Variants in ZMAT4 observed in about 807,000 individuals in gnomAD.
The protein encoded by ZMAT4 is zinc finger matrin-type protein 4.
Under a neutral mutation model 28.7 loss-of-function variants are expected in ZMAT4, and 17 were observed. That is an observed-to-expected ratio of 0.59 (90% CI 0.41 to 0.89). The LOEUF (loss-of-function observed/expected upper bound fraction) is 0.89, where lower values mean the gene tolerates loss of function less well. ZMAT4 is among the 40% of genes least tolerant of loss of function. ZMAT4 has a pLI of 0.00. For synonymous variants in ZMAT4, 117 were observed against 109.2 expected (o/e 1.07, Z -0.44); for missense variants, 240 against 283.8 (o/e 0.85, Z 1.11).
At chr8:40,801,347 A>ATATATATATATATAT (rs1174640469) in intron 2 of ZMAT4, among the ~76,000 whole-genome samples, 52 of 48,548 alleles carry the variant, frequency 1.1e-3, no homozygotes, top group African/African-American at 4.7e-3. Context: ...TCTTTAAAAA[A>ATATATATATATATAT]AAAAATATAT....
chr8:40,601,608 AAG>A (rs1563360591), intron 5 of ZMAT4, among the ~76,000 whole-genome samples: 1 of 7,892 alleles, frequency 1.3e-4, no homozygotes, highest in Non-Finnish European at 3.2e-4. Context: ...GAAAGAAAGA[AAG>A]AAAGAAAGAA....
intron 1 of ZMAT4, among the ~76,000 whole-genome samples, chr8:40,881,287 G>C (rs1818212155): frequency 6.6e-6 from 1 of 151,546 alleles, no homozygotes; most frequent in South Asian, 2.1e-4. Flanking sequence ...TACTGAGGAG[G>C]CTGAGGCAGG....
chr8:40,595,155 C>T (rs1286419400), intron 5 of ZMAT4, among the ~76,000 whole-genome samples: 1 of 152,134 alleles, frequency 6.6e-6, no homozygotes, highest in African/African-American at 2.4e-5. Context: ...CATCTGAAGC[C>T]TTGCTTTTCC....
chr8:40,710,918 C>T (rs533703721), intron 3 of ZMAT4, among the ~76,000 whole-genome samples: 132 of 152,098 alleles, frequency 8.7e-4, no homozygotes, highest in Non-Finnish European at 1.7e-3. Context: ...GTAGCTGGGA[C>T]TACAGGCACG....
chr8:40,722,462 ATCT>A (rs1456344294), intron 3 of ZMAT4, among the ~76,000 whole-genome samples: 21 of 152,160 alleles, frequency 1.4e-4, no homozygotes, highest in African/African-American at 4.6e-4. Flanking sequence ...GATCACACAC[ATCT>A]TAAAGCCACT....
rs1184785049 is a variant in ZMAT4, at chr8:40,845,788, A to C, written c.-4-20108T>G. Among the ~76,000 whole-genome samples, 4 of 129,186 alleles carry C rather than the reference A, an allele frequency of 3.1e-5. No individual in the cohort carries two copies. In the East Asian group the frequency reaches 8.2e-4, roughly 27 times the overall value. 84.8% of individuals were successfully genotyped at this position (129,186 alleles called of 152,430 possible). A position where few individuals can be genotyped will look rare whatever the true frequency, so the allele number is the denominator to read the frequency against. On this transcript the variant is annotated intron_variant, in intron 1 of 6. Coordinates refer to ENST00000297737, the MANE Select transcript of ZMAT4 (RefSeq NM_024645.3). ...TACACTTAGTAGTTAAAAAAAAAAA[A>C]AAAAAAAAAGAGAGAGAGACTAAGG...
chr8:40,664,672 C>T (rs1808331280), intron 5 of ZMAT4, among the ~76,000 whole-genome samples: 2 of 152,310 alleles, frequency 1.3e-5, no homozygotes, highest in Admixed American at 6.5e-5. Context: ...TGAGCCAAGC[C>T]ACTCCCAAAT....
At chr8:40,778,095 C>T (rs1321567184) in intron 2 of ZMAT4, among the ~76,000 whole-genome samples, 2 of 152,132 alleles carry the variant, frequency 1.3e-5, no homozygotes, top group African/African-American at 2.4e-5. Flanking sequence ...AAACAAAACT[C>T]GCTTTAAACA....
At chr8:40,891,043 G>T (rs188017636) in intron 1 of ZMAT4, among the ~76,000 whole-genome samples, 1 of 151,052 alleles carries the variant, frequency 6.6e-6, no homozygotes, top group African/African-American at 2.4e-5. Flanking sequence ...CATCAAAATC[G>T]AGGGCGGGGG....
At chr8:40,789,552 G>A (rs1814237217) in intron 2 of ZMAT4, among the ~76,000 whole-genome samples, 1 of 152,114 alleles carries the variant, frequency 6.6e-6, no homozygotes, top group African/African-American at 2.4e-5. Flanking sequence ...AAATAACTAG[G>A]AGAGTATAAT....
At chr8:40,757,831 G>A (rs1468257483) in intron 3 of ZMAT4, among the ~76,000 whole-genome samples, 3 of 152,198 alleles carry the variant, frequency 2.0e-5, no homozygotes, top group African/African-American at 7.2e-5. Flanking sequence ...TCAGTGGACT[G>A]GGAGAGGCAG....
chr8:40,828,562 A>T (rs1420964337), intron 1 of ZMAT4, among the ~76,000 whole-genome samples: 1 of 152,240 alleles, frequency 6.6e-6, no homozygotes, highest in East Asian at 1.9e-4. Context: ...TATACTAAAA[A>T]AAATTCAAGG....
intron 5 of ZMAT4, among the ~76,000 whole-genome samples, chr8:40,605,838 G>A (rs1380504039): frequency 6.6e-6 from 1 of 152,078 alleles, no homozygotes; most frequent in Non-Finnish European, 1.5e-5. Context: ...TGTAGATTTA[G>A]GAGCTCCAGT....
chr8:40,701,775 C>T (rs961639453), intron 3 of ZMAT4, among the ~76,000 whole-genome samples: 1 of 152,060 alleles, frequency 6.6e-6, no homozygotes, highest in Non-Finnish European at 1.5e-5. Context: ...ACCTTGGCCT[C>T]CCAAAGTGCT....
intron 6 of ZMAT4, among the ~76,000 whole-genome samples, chr8:40,546,457 T>C (rs774999206): frequency 1.1e-4 from 16 of 152,290 alleles, no homozygotes; most frequent in Middle Eastern, 3.4e-3. Flanking sequence ...TTTCAATTAA[T>C]AGACAAAAAG....
chr8:40,755,354 C>T (rs966820144), intron 3 of ZMAT4, among the ~76,000 whole-genome samples: 4 of 152,170 alleles, frequency 2.6e-5, no homozygotes, highest in African/African-American at 4.8e-5. Context: ...CTACTCAATT[C>T]TCCCCTTGTG....
chr8:40,729,871 A>G (rs1216284707), intron 3 of ZMAT4, among the ~76,000 whole-genome samples: 1 of 152,190 alleles, frequency 6.6e-6, no homozygotes, highest in South Asian at 2.1e-4. Context: ...TGCTGGGATT[A>G]CAGGCCCGCT....
chr8:40,638,332 A>G (rs1437331353), intron 5 of ZMAT4, among the ~76,000 whole-genome samples: 1 of 152,208 alleles, frequency 6.6e-6, no homozygotes, highest in African/African-American at 2.4e-5. Flanking sequence ...TCCAAAATAT[A>G]TGCAATTATG....
chr8:40,817,601 T>C (rs1344538453), intron 2 of ZMAT4, among the ~76,000 whole-genome samples: 1 of 152,204 alleles, frequency 6.6e-6, no homozygotes, highest in Non-Finnish European at 1.5e-5. Context: ...GGTTGAGAAA[T>C]GTCACTGTTA....
Sources: gnomAD v4.1 joint callset for allele counts (sites outside exome capture counted in the v4.1 genomes callset) on GRCh38, gnomAD v4.1.1 for gene constraint, MANE v1.5 for transcripts, NCBI Gene and HGNC (gene_info 2026-07-23, HGNC 2026-07-21) for gene names.